The following PCDHA4 variants were observed in gnomAD, a reference collection of about 807,000 sequenced individuals.
PCDHA4 encodes the protein protocadherin alpha 4.
PCDHA4 carries 49 observed loss-of-function variants against 61.4 expected under a neutral mutation model. The observed-to-expected ratio is 0.80, with a 90% CI of 0.63 to 1.01. PCDHA4 has a LOEUF of 1.01. Ranked by LOEUF, PCDHA4 falls within the 50% of genes least tolerant of loss-of-function variation. The pLI, the probability that PCDHA4 is intolerant of heterozygous loss-of-function variation, is 0.00. For missense variants in PCDHA4, 1,254 were observed against 1,235.8 expected (o/e 1.01, Z -0.22); for synonymous variants, 590 against 550.3 (o/e 1.07, Z -1.01).
At chr5:140,876,099 T>C (rs782428764) in intron 1 of PCDHA4, 7 of 1,613,954 alleles carry the variant, frequency 4.3e-6, no homozygotes, top group Middle Eastern at 1.6e-4. Context: ...CAAAACTCAA[T>C]TTATTGCTGA....
intron 1 of PCDHA4, among the ~76,000 whole-genome samples, chr5:140,975,369 T>G (rs2096664514): frequency 6.6e-6 from 1 of 152,230 alleles, no homozygotes; most frequent in Admixed American, 6.5e-5. Flanking sequence ...CATAGCATAA[T>G]GTAATCATGG....
At chr5:140,875,951 C>A (rs1292449525) in intron 1 of PCDHA4, 2 of 1,614,116 alleles carry the variant, frequency 1.2e-6, no homozygotes, top group East Asian at 2.2e-5. Flanking sequence ...GCTTCTGATG[C>A]GGATATCGGC....
At chr5:140,895,389 C>T (rs553681530) in intron 1 of PCDHA4, among the ~76,000 whole-genome samples, 1 of 152,098 alleles carries the variant, frequency 6.6e-6, no homozygotes, top group South Asian at 2.1e-4. Context: ...CTTCAATTCT[C>T]AACACCATCA....
At chr5:140,913,317 TTGTA>T (rs1269286947) in intron 1 of PCDHA4, among the ~76,000 whole-genome samples, 2 of 152,152 alleles carry the variant, frequency 1.3e-5, no homozygotes, top group African/African-American at 4.8e-5. Flanking sequence ...CCTTGGTAAG[TTGTA>T]TGTGTCTAGG....
chr5:140,850,275 G>T, intron 1 of PCDHA4: 1 of 1,595,466 alleles, frequency 6.3e-7, no homozygotes, highest in East Asian at 2.2e-5. Flanking sequence ...GGTGGGGAAG[G>T]TGCGCGCAGT....
intron 1 of PCDHA4, among the ~76,000 whole-genome samples, chr5:140,818,413 T>C (rs1455060825): frequency 2.6e-5 from 4 of 152,266 alleles, no homozygotes; most frequent in African/African-American, 9.6e-5. Context: ...ATTTTCCTTT[T>C]TAAAAATATA....
intron 3 of PCDHA4, among the ~76,000 whole-genome samples, chr5:141,006,540 A>T (rs868906531): frequency 1.6e-4 from 25 of 152,182 alleles, no homozygotes; most frequent in Admixed American, 3.3e-4. Context: ...AAAGAGAGAC[A>T]TTAAGAAATA....
intron 1 of PCDHA4, chr5:140,870,954 G>T (rs1202889647): frequency 1.9e-6 from 3 of 1,613,514 alleles, no homozygotes; most frequent in African/African-American, 1.3e-5. Context: ...CGGGCGGCTC[G>T]CGCATCCCGT....
intron 1 of PCDHA4, chr5:140,851,041 G>T: frequency 7.2e-7 from 1 of 1,393,950 alleles, no homozygotes. Context: ...TAACATTGGA[G>T]CCGACTTTGT....
At chr5:140,975,352 T>G (rs2096663445) in intron 1 of PCDHA4, among the ~76,000 whole-genome samples, 1 of 152,256 alleles carries the variant, frequency 6.6e-6, no homozygotes, top group African/African-American at 2.4e-5. Flanking sequence ...TAAAGCCAAC[T>G]GTGCTACATA....
intron 1 of PCDHA4, chr5:140,830,381 C>T: frequency 6.2e-7 from 1 of 1,614,138 alleles, no homozygotes; most frequent in Non-Finnish European, 8.5e-7. Context: ...CGGGGAGGGC[C>T]CACCCAAGAT....
chr5:140,843,622 G>T, intron 1 of PCDHA4: 2 of 1,596,026 alleles, frequency 1.3e-6, no homozygotes, highest in Non-Finnish European at 1.7e-6. Flanking sequence ...CACCGAAGAC[G>T]GACCTCATGG....
chr5:140,871,208 C>G, intron 1 of PCDHA4: 1 of 1,613,802 alleles, frequency 6.2e-7, no homozygotes, highest in Non-Finnish European at 8.5e-7. Context: ...CTGATCATCG[C>G]CATCTGCGTG....
chr5:140,860,192 C>CATATATATATATATATATATATAT (rs143984774), intron 1 of PCDHA4: 72 of 146,840 alleles, frequency 4.9e-4, no homozygotes, highest in Middle Eastern at 3.6e-3. Context: ...GCTCTCCTTA[C>CATATATATATATATATATATATAT]ATATATATCT....
chr5:140,953,340 C>T (rs2094876353), intron 1 of PCDHA4, among the ~76,000 whole-genome samples: 1 of 152,066 alleles, frequency 6.6e-6, no homozygotes, highest in Non-Finnish European at 1.5e-5. Context: ...TAGGGCTCAC[C>T]TTCTTTTGTT....
intron 1 of PCDHA4, chr5:140,821,870 A>C (rs2150111389): frequency 6.2e-7 from 1 of 1,613,994 alleles, no homozygotes; most frequent in South Asian, 1.1e-5. Flanking sequence ...CAGCTCCACT[A>C]CTCGATCCCG....
intron 1 of PCDHA4, among the ~76,000 whole-genome samples, chr5:140,887,318 G>A (rs1485206878): frequency 6.6e-6 from 1 of 152,010 alleles, no homozygotes; most frequent in Non-Finnish European, 1.5e-5. Context: ...GGATAGTCTC[G>A]AACTCCTGAC....
intron 3 of PCDHA4, among the ~76,000 whole-genome samples, chr5:140,986,569 T>C (rs1006962446): frequency 7.2e-5 from 11 of 152,296 alleles, no homozygotes; most frequent in East Asian, 3.9e-4. Context: ...TTATCTGTTA[T>C]TGGTTTTTCC....
intron 1 of PCDHA4, among the ~76,000 whole-genome samples, chr5:140,950,195 C>T (rs186601471): frequency 6.6e-6 from 1 of 152,028 alleles, no homozygotes; most frequent in South Asian, 2.1e-4. Flanking sequence ...AAAAAATAGT[C>T]ATTTCTGTTT....
Sources: allele counts gnomAD v4.1 joint callset (sites outside exome capture counted in the v4.1 genomes callset), GRCh38; gene constraint gnomAD v4.1.1; transcripts MANE v1.5; gene names NCBI Gene and HGNC (gene_info 2026-07-23, HGNC 2026-07-21).